The following PARG variants were observed in gnomAD, a reference collection of about 807,000 sequenced individuals.
The protein encoded by PARG is mitochondrial poly(ADP-ribose) glycohydrolase.
A neutral mutation model predicts 113.0 loss-of-function variants in PARG; 35 were observed. The ratio of observed to expected loss-of-function variants is 0.31; its 90% confidence interval spans 0.24 to 0.41. The LOEUF is 0.41. PARG is among the 10% of genes least tolerant of loss of function. The pLI, the probability that PARG is intolerant of heterozygous loss-of-function variation, is 1.00. For missense variants in PARG, 797 were observed against 1,169.4 expected, an observed-to-expected ratio of 0.68 and a Z score of 4.64; for synonymous variants, 330 against 409.9, an observed-to-expected ratio of 0.81 and a Z score of 2.36.
chr10:49,937,184 T>G (rs2132997716), intron 1 of PARG, among the ~76,000 whole-genome samples: 1 of 152,290 alleles, frequency 6.6e-6, no homozygotes, highest in African/African-American at 2.4e-5. Flanking sequence ...GTTTAGAAAA[T>G]CCTCAAATTG....
At chr10:49,929,088 T>A (rs1589007390) in intron 4 of PARG, among the ~76,000 whole-genome samples, 1 of 152,160 alleles carries the variant, frequency 6.6e-6, no homozygotes, top group East Asian at 1.9e-4. Context: ...GGGTCCTGGG[T>A]ATCTAAGAAA....
At chr10:49,862,584 A>G (rs1478262122) in intron 11 of PARG, among the ~76,000 whole-genome samples, 1 of 151,156 alleles carries the variant, frequency 6.6e-6, no homozygotes, top group Non-Finnish European at 1.5e-5. Context: ...AATTCTGCAC[A>G]GGTTCTGTCT....
intron 16 of PARG, 83 bp downstream of exon 16, chr10:49,832,720 G>C (rs1844731160): frequency 5.9e-6 from 4 of 673,320 alleles, no homozygotes; most frequent in Admixed American, 5.8e-5. Flanking sequence ...GTGGTCTCAT[G>C]ACAGGACATG....
chr10:49,916,998 G>A (rs1837507850), intron 6 of PARG, among the ~76,000 whole-genome samples: 1 of 151,922 alleles, frequency 6.6e-6, no homozygotes, highest in Non-Finnish European at 1.5e-5. Context: ...GCCATACTAA[G>A]TATCTAGGTT....
At chr10:49,828,765 C>T (rs1844500141) in intron 16 of PARG, among the ~76,000 whole-genome samples, 1 of 152,176 alleles carries the variant, frequency 6.6e-6, no homozygotes, top group Non-Finnish European at 1.5e-5. Context: ...GTCCCAGCTA[C>T]TTGGGAGGCT....
At chr10:49,862,086 CGTGTGTGT>C (rs35142553) in intron 11 of PARG, among the ~76,000 whole-genome samples, 357 of 143,034 alleles carry the variant, frequency 2.5e-3, no homozygotes, top group Non-Finnish European at 3.9e-3. Flanking sequence ...GTTTCATAAC[CGTGTGTGT>C]GTGTGTGTGT....
intron 4 of PARG, among the ~76,000 whole-genome samples, chr10:49,927,301 GTCAAGAAAGAAAGAAA>G (rs1838223685): frequency 6.9e-6 from 1 of 144,986 alleles, no homozygotes; most frequent in African/African-American, 2.7e-5. Context: ...GCAAGACTCT[GTCAAGAAAGAAAGAAA>G]GAAAGAAAGA....
chr10:49,851,683 T>C (rs1333877394), intron 13 of PARG, among the ~76,000 whole-genome samples: 3 of 128,984 alleles, frequency 2.3e-5, no homozygotes, highest in African/African-American at 8.7e-5. Context: ...GTTTATGTGC[T>C]CACCAAACAG....
At chr10:49,894,333 C>A (rs187091329) in intron 7 of PARG, among the ~76,000 whole-genome samples, 1 of 152,040 alleles carries the variant, frequency 6.6e-6, no homozygotes, top group East Asian at 1.9e-4. Context: ...TGAGCCAATG[C>A]GCCTGGCATC....
intron 14 of PARG, among the ~76,000 whole-genome samples, 176 bp from the exon 15 acceptor site, chr10:49,842,234 G>A (rs1845280119): frequency 6.6e-6 from 1 of 152,166 alleles, no homozygotes; most frequent in African/African-American, 2.4e-5. Context: ...TTAGATTGAG[G>A]CATATACAGT....
chr10:49,820,297 A>AG lies in PARG; in HGVS notation c.2648-5dup, dbSNP rs1187466600. 11 of 1,545,248 alleles carry AG rather than the reference A, an allele frequency of 7.1e-6. No individual in the cohort carries two copies. In the African/African-American group the frequency reaches 8.2e-5, roughly 12 times the overall value. The stretch of plus-strand genomic sequence containing the variant: ...GCTGCCAATATCTGTATTAAGGCTG[A>AG]GGCAAAGAGAAAAGACACGGCTATA... On this transcript the variant is annotated splice_polypyrimidine_tract_variant and splice_region_variant and intron_variant, in intron 16 of 17. Transcript: ENST00000616448.
chr10:49,858,524 AT>A (rs1846103323), intron 12 of PARG, among the ~76,000 whole-genome samples: 1 of 122,556 alleles, frequency 8.2e-6, no homozygotes, highest in African/African-American at 3.3e-5. Context: ...TCTGAAGCCT[AT>A]TTTACAAAAT....
chr10:49,921,501 T>C (rs1237808675), intron 6 of PARG, among the ~76,000 whole-genome samples: 5 of 152,066 alleles, frequency 3.3e-5, no homozygotes, highest in South Asian at 2.1e-4. Context: ...AAATACATTA[T>C]GATATAACAT....
intron 4 of PARG, among the ~76,000 whole-genome samples, chr10:49,925,007 C>G (rs1810929741): frequency 6.6e-6 from 1 of 152,138 alleles, no homozygotes; most frequent in Non-Finnish European, 1.5e-5. Context: ...ACATCAGATT[C>G]TCATAAGACG....
At chr10:49,913,794 T>C (rs1554846918) in intron 7 of PARG, among the ~76,000 whole-genome samples, 1 of 151,992 alleles carries the variant, frequency 6.6e-6, no homozygotes, top group Non-Finnish European at 1.5e-5. Flanking sequence ...TCCCAGCTAC[T>C]TGGAAGGCTG....
chr10:49,919,334 T>C (rs1837670909), intron 6 of PARG, among the ~76,000 whole-genome samples: 1 of 152,228 alleles, frequency 6.6e-6, no homozygotes, highest in Non-Finnish European at 1.5e-5. Flanking sequence ...CCTAAGATAG[T>C]GTTCATCAAA....
chr10:49,880,570 T>G (rs1847164677), intron 8 of PARG, among the ~76,000 whole-genome samples: 1 of 152,186 alleles, frequency 6.6e-6, no homozygotes. Flanking sequence ...TTGTGTTCAG[T>G]GGGTTTTATT....
chr10:49,941,594 A>G lies in PARG; in HGVS notation c.132T>C (p.Ala44=). ...ACGGTGGGACCCTGAACTGCACGTG[A>G]GCGTCCTTGGGGTCGAGGACGCGCC... ...RQRRVLDPKD[A]HVQFRVPPSS... is the part of the protein sequence containing the mutation. The change falls in exon 1 of 18, where the codon GCT becomes GCC. Residue 44 remains alanine (A), a synonymous_variant. Coordinates refer to ENST00000616448, the MANE Select transcript of PARG (RefSeq NM_003631.5). 5.7e-6 allele frequency: 9 copies of G among 1,572,550 alleles called. No individual in the cohort carries two copies. In the East Asian group the frequency reaches 1.9e-4, roughly 33 times the overall value.
intron 1 of PARG, among the ~76,000 whole-genome samples, chr10:49,937,809 G>A (rs1302456474): frequency 6.6e-5 from 10 of 152,158 alleles, no homozygotes; most frequent in Admixed American, 5.9e-4. Context: ...AGGAGGAAAA[G>A]CAAGAGATAA....
Sources: gnomAD v4.1 joint callset for allele counts (sites outside exome capture counted in the v4.1 genomes callset) on GRCh38, gnomAD v4.1.1 for gene constraint, MANE v1.5 for transcripts, NCBI Gene and HGNC (gene_info 2026-07-23, HGNC 2026-07-21) for gene names.